The following ADAMTS2 variants were observed in gnomAD, a reference collection of about 807,000 sequenced individuals.
The protein encoded by ADAMTS2 is A disintegrin and metalloproteinase with thrombospondin motifs 2.
ADAMTS2 carries 50 observed loss-of-function variants against 123.0 expected under a neutral mutation model. The observed-to-expected ratio is 0.41, with a 90% confidence interval of 0.32 to 0.51. The LOEUF (loss-of-function observed/expected upper bound fraction) is 0.51. Ranked by LOEUF, ADAMTS2 falls within the 20% of genes least tolerant of loss-of-function variation. The probability of loss-of-function intolerance (pLI) is 0.35; values close to 1 mark genes in which losing one functional copy is unlikely to be tolerated. For synonymous variants in ADAMTS2, 678 were observed against 695.4 expected, an observed-to-expected ratio of 0.98 and a Z score of 0.39; for missense variants, 1,494 against 1,705.2, an observed-to-expected ratio of 0.88 and a Z score of 2.18.
intron 5 of ADAMTS2, among the ~76,000 whole-genome samples, chr5:179,165,544 A>G (rs951235353): frequency 6.6e-6 from 1 of 152,132 alleles, no homozygotes; most frequent in African/African-American, 2.4e-5. Flanking sequence ...AGTGAGCCGT[A>G]GCACCCTGGG....
rs896324452 is a variant in ADAMTS2 at position 179,114,475 on chromosome 5, A to T, written c.3179-151T>A. ...CCAGGCAGAAAGTCTGTGTGGGTTC[A>T]GTGTCAAAGCATCCCCAGTGCAGGC... On this transcript the variant is annotated intron_variant, in intron 21 of 21. Transcript: ENST00000251582. 8 of 780,422 alleles carry T rather than the reference A, an allele frequency of 1.0e-5. No individual in the cohort carries two copies. The African/African-American group carries it at 1.4e-4, about 13-fold the overall frequency. 48.3% of individuals were successfully genotyped at this position (780,422 alleles called of 1,614,324 possible). A position where few individuals can be genotyped will look rare whatever the true frequency, so the allele number is the denominator to read the frequency against.
rs936533341 is a variant in ADAMTS2, at chr5:179,256,265, G to A, written c.688+16646C>T. ...AGTTGTCATCTTGTGACCCGCCCCT[G>A]GGGACACGGGTGCCCAACAGGAAAG... is the stretch of plus-strand genomic sequence containing the variant. On this transcript the variant is annotated intron_variant, in intron 3 of 21. Transcript: ENST00000251582. The surrounding 1 kb of genome is among the most constrained non-coding windows in gnomAD (Gnocchi z 4.1). Among the ~76,000 whole-genome samples, 1 of 152,140 alleles carries A rather than the reference G, an allele frequency of 6.6e-6. No individual in the cohort carries two copies. The highest frequency in any genetic ancestry group is 1.5e-5 in the Non-Finnish European group (1 of 68,032).
At chr5:179,143,490 TTAAAAGA>T (rs1429463600) in intron 10 of ADAMTS2, among the ~76,000 whole-genome samples, 4 of 150,922 alleles carry the variant, frequency 2.7e-5, no homozygotes, top group African/African-American at 7.3e-5. Context: ...GTACAAAAAC[TTAAAAGA>T]TAAACTAATT....
intron 2 of ADAMTS2, among the ~76,000 whole-genome samples, chr5:179,293,781 A>AT (rs1159004774): frequency 0.015 from 2,167 of 143,064 alleles, 28 homozygotes; most frequent in Middle Eastern, 0.036. Context: ...ACCCAGCTAA[A>AT]TTTTTTTTTT....
intron 2 of ADAMTS2, among the ~76,000 whole-genome samples, chr5:179,274,870 C>T (rs1004927600): frequency 2.0e-5 from 3 of 152,244 alleles, no homozygotes; most frequent in Admixed American, 6.5e-5. Flanking sequence ...TCAGGCCTGG[C>T]TCCAGAATGA....
Position 179,128,011 on chromosome 5 carries a change from G to T in ADAMTS2, c.2565C>A (p.Val855=), listed in dbSNP as rs2113195729. ...ACCACTTCTTCAGGGCCCACTCGTA[G>T]ACCACAGAGTCCTCTTCCAGGACGT... The part of the protein sequence containing the change: ...DNNVLEEDSV[V]YEWALKKWSP... The change falls in exon 17 of 22, where the codon GTC becomes GTA. Residue 855 remains valine (V), a synonymous_variant. Transcript: ENST00000251582. This position sits in a 1 kb window ranked among gnomAD's most constrained non-coding sequence, Gnocchi z 4.9. 6.2e-7 allele frequency: 1 copy of T among 1,614,080 alleles called. No individual in the cohort carries two copies. The highest frequency in any genetic ancestry group is 1.1e-5 in the South Asian group (1 of 91,080).
At position 179,135,920 on chromosome 5, in the gene ADAMTS2, C is replaced by T. The variant is rs1427715074; in HGVS notation, c.2074G>A (p.Gly692Arg). ...CTCTGTGTACTCACCCTGCAGTCCC[C>T]GCGCACACAGAGGCTGAAGGCGTCC... is the stretch of plus-strand genomic sequence containing the variant. ...YKDAFSLCVR[G>R]DCRKVGCDGV... is the part of the protein sequence containing the mutation. The change falls in exon 13 of 22, where the codon GGG becomes AGG. Residue 692 changes from glycine to arginine, a missense_variant. By Grantham distance (125) the Gly-to-Arg change is moderately radical (BLOSUM62 -2). This residue lies in a region of ADAMTS2 where 953 missense variants were observed against 1,124.7 expected (regional missense o/e 0.85). Coordinates refer to ENST00000251582, the MANE Select transcript of ADAMTS2 (RefSeq NM_014244.5). 8 of 1,613,198 alleles carry T rather than the reference C, an allele frequency of 5.0e-6. No individual in the cohort carries two copies. The highest frequency in any genetic ancestry group is 3.3e-4 in the Middle Eastern group (2 of 6,056).
chr5:179,302,763 G>A (rs1238977616), intron 2 of ADAMTS2, among the ~76,000 whole-genome samples: 1 of 152,042 alleles, frequency 6.6e-6, no homozygotes, highest in African/African-American at 2.4e-5. Flanking sequence ...TGACACTGGA[G>A]CTGAGGCCTA....
At chr5:179,134,581 A>C (rs1763019169) in intron 13 of ADAMTS2, among the ~76,000 whole-genome samples, 1 of 152,150 alleles carries the variant, frequency 6.6e-6, no homozygotes, top group Non-Finnish European at 1.5e-5. Flanking sequence ...CATAAATTAA[A>C]ATCCCAAGGG....
intron 3 of ADAMTS2, among the ~76,000 whole-genome samples, chr5:179,237,087 A>C (rs1765546198): frequency 6.6e-6 from 1 of 151,970 alleles, no homozygotes; most frequent in Non-Finnish European, 1.5e-5. Context: ...AGCCCTCATC[A>C]CTACAAAAAC....
chr5:179,149,511 C>T (rs896019375), intron 10 of ADAMTS2, among the ~76,000 whole-genome samples: 2 of 152,174 alleles, frequency 1.3e-5, no homozygotes, highest in South Asian at 2.1e-4. Context: ...CACTGGTGGC[C>T]GCAGGAACCA....
Position 179,189,745 on chromosome 5 carries a change from G to A in ADAMTS2, c.892-8590C>T, listed in dbSNP as rs960569193. ...ATTACAAAATATCTTCTTAAGGTAG[G>A]GGGGGACAATATTACAAAGTATCTT... is the stretch of plus-strand genomic sequence containing the variant. On this transcript the variant is annotated intron_variant, in intron 4 of 21. Coordinates refer to ENST00000251582, the MANE Select transcript of ADAMTS2 (RefSeq NM_014244.5). The surrounding 1 kb of genome is among the most constrained non-coding windows in gnomAD (Gnocchi z 4.2). Among the ~76,000 whole-genome samples the A allele has an allele frequency of 2.0e-5, 3 of 149,526 alleles. No individual in the cohort carries two copies. The highest frequency in any genetic ancestry group is 6.7e-5 in the Admixed American group (1 of 15,014).
intron 4 of ADAMTS2, among the ~76,000 whole-genome samples, chr5:179,187,396 C>G (rs1764196488): frequency 6.6e-6 from 1 of 152,254 alleles, no homozygotes; most frequent in Non-Finnish European, 1.5e-5. Flanking sequence ...CAGCCTGTCT[C>G]CACCTCAGGA....
chr5:179,165,726 C>G (rs1469858890), intron 5 of ADAMTS2, among the ~76,000 whole-genome samples: 1 of 152,166 alleles, frequency 6.6e-6, no homozygotes, highest in African/African-American at 2.4e-5. Flanking sequence ...GCAGGGTCCA[C>G]CTCCTGAGTG....
Position 179,181,234 on chromosome 5 carries a change from C to T in ADAMTS2, c.892-79G>A. 2 of 1,008,124 alleles carry T rather than the reference C, an allele frequency of 2.0e-6. No individual in the cohort carries two copies. Among genetic ancestry groups the T allele is most frequent in the Non-Finnish European group, 3.2e-6 (2 of 633,706 alleles). 62.4% of individuals were successfully genotyped at this position (1,008,124 alleles called of 1,614,324 possible). ...GGCTCTGCCAATGGGATGACCCCCA[C>T]CTGCTCCTTCTTCTTCCCATGCTTT... On this transcript the variant is annotated intron_variant, in intron 4 of 21. Transcript: ENST00000251582. The surrounding 1 kb of genome is among the most constrained non-coding windows in gnomAD (Gnocchi z 4.1).
In ADAMTS2 at chr5:179,307,930, C is replaced by A. The variant is rs114827265; in HGVS notation, c.535-34866G>T. On this transcript the variant is annotated intron_variant, in intron 2 of 21. Transcript: ENST00000251582. This position sits in a 1 kb window ranked among gnomAD's most constrained non-coding sequence, Gnocchi z 5.6. ...GGGTTCTTTATTGGGTCACTCTCTG[C>A]CCCCTGACCAGGGATCTTACGAGAG... is the stretch of plus-strand genomic sequence containing the variant. 0.038 allele frequency among the ~76,000 whole-genome samples: 5,830 copies of A among 152,328 alleles called. 164 individuals are homozygous for A. The highest frequency in any genetic ancestry group is 0.06 in the Non-Finnish European group (4,096 of 68,032).
chr5:179,187,420 C>T (rs930422924), intron 4 of ADAMTS2, among the ~76,000 whole-genome samples: 4 of 152,242 alleles, frequency 2.6e-5, no homozygotes, highest in African/African-American at 7.2e-5. Flanking sequence ...TTGGACTTGC[C>T]GTGCAACTGC....
intron 10 of ADAMTS2, among the ~76,000 whole-genome samples, chr5:179,151,832 T>G (rs1420371624): frequency 6.6e-6 from 1 of 152,090 alleles, no homozygotes; most frequent in Non-Finnish European, 1.5e-5. Context: ...TGACCCACAG[T>G]GCCCAGGGGT....
chr5:179,243,133 G>C (rs1464994289), intron 3 of ADAMTS2, among the ~76,000 whole-genome samples: 1 of 142,470 alleles, frequency 7.0e-6, no homozygotes. Context: ...CTGAACCACA[G>C]ACCAGCTTAT....
Sources: allele counts gnomAD v4.1 joint callset (sites outside exome capture counted in the v4.1 genomes callset), GRCh38; gene constraint gnomAD v4.1.1; regional missense constraint gnomAD v4.1.1; non-coding constraint Gnocchi (gnomAD v3.1); transcripts MANE v1.5; gene names NCBI Gene and HGNC (gene_info 2026-07-23, HGNC 2026-07-21).